CARD9: variants seen among roughly 807,000 people sequenced by gnomAD.
CARD9 encodes caspase recruitment domain-containing protein 9.
A neutral mutation model predicts 66.0 loss-of-function variants in CARD9; 53 were observed. That is an observed-to-expected ratio of 0.80 (90% CI 0.64 to 1.01). The LOEUF (loss-of-function observed/expected upper bound fraction) is 1.01. Among genes scored for constraint, CARD9 ranks in the 50% least tolerant of loss-of-function variants. The pLI is 0.00. For synonymous variants in CARD9, 387 were observed against 313.8 expected, an observed-to-expected ratio of 1.23 and a Z score of -2.47; for missense variants, 769 against 743.2, an observed-to-expected ratio of 1.03 and a Z score of -0.40.
chr9:136,370,899 G>A lies in CARD9; in HGVS notation c.569C>T (p.Ala190Val), dbSNP rs982980603. The A allele has an allele frequency of 1.3e-5, 21 of 1,609,976 alleles. No individual in the cohort carries two copies. Among genetic ancestry groups the A allele is most frequent in the Middle Eastern group, 1.7e-4 (1 of 6,030 alleles). ...GGCGCCCTTCTCCTCACTCTGGTGC[G>A]CCAGGCGCATGGCCAGGTCGTAGTT... ...EENYDLAMRL[A>V]HQSEEKGAAL... The change falls in exon 4 of 13, where the codon GCG becomes GTG. Residue 190 changes from alanine (A) to valine (V), a missense_variant. Ala to Val is a moderately conservative substitution (Grantham distance 64). Transcript: ENST00000371732.
intron 1 of CARD9, among the ~76,000 whole-genome samples, chr9:136,372,444 T>C (rs1467134847): frequency 2.6e-5 from 4 of 152,180 alleles, no homozygotes; most frequent in Non-Finnish European, 5.9e-5. Context: ...CATGACCCCC[T>C]CTGGCCTCTG....
chr9:136,367,559 C>T (rs762471346), intron 8 of CARD9, 78 bp downstream of exon 8: 32 of 1,475,000 alleles, frequency 2.2e-5, no homozygotes, highest in African/African-American at 8.3e-5. Context: ...TCGGGAAGGC[C>T]GGGGCTGAGG....
intron 6 of CARD9, 145 bp downstream of exon 6, chr9:136,370,149 G>A (rs1255422036): frequency 8.9e-6 from 13 of 1,458,518 alleles, no homozygotes; most frequent in East Asian, 5.0e-5. Flanking sequence ...AGAGGGCACC[G>A]TCCACTGTGC....
intron 11 of CARD9, 118 bp from the exon 12 acceptor site, chr9:136,364,677 A>T (rs1833074778): frequency 9.8e-7 from 1 of 1,021,452 alleles, no homozygotes; most frequent in African/African-American, 1.6e-5. Context: ...GAGCCCAGAC[A>T]GCCTCAGCTC....
At chr9:136,366,398 C>T (rs948366509) in intron 10 of CARD9, 11 of 237,946 alleles carry the variant, frequency 4.6e-5, no homozygotes, top group East Asian at 9.8e-5. Flanking sequence ...CCTGGTCGTT[C>T]GCTCGTTACC....
intron 10 of CARD9, 23 bp from the exon 11 acceptor site, chr9:136,365,240 T>C (rs774694363): frequency 1.2e-6 from 2 of 1,604,286 alleles, no homozygotes; most frequent in Admixed American, 3.3e-5. Context: ...GTCGTGCCTG[T>C]GGGACCTGCC....
intron 2 of CARD9, 131 bp downstream of exon 2, chr9:136,371,764 A>G: frequency 7.1e-7 from 1 of 1,418,348 alleles, no homozygotes; most frequent in Non-Finnish European, 9.6e-7. Flanking sequence ...GTTGGGCCTC[A>G]GTCAGAGGCC....
In CARD9 at chr9:136,372,182, G is replaced by A. The variant is rs570512595; in HGVS notation, c.-16-88C>T. Reference sequence around the variant, plus strand: ...CCACTCCTTCTCAGACGCTGGGCCAGGGCTCTCGTCAGGGCATCGAGGGGG... The same window carrying A: ...CCACTCCTTCTCAGACGCTGGGCCAAGGCTCTCGTCAGGGCATCGAGGGGG... On this transcript the variant is annotated intron_variant, in intron 1 of 12. Transcript: ENST00000371732. The A allele has an allele frequency of 3.2e-6, 5 of 1,544,118 alleles. No individual in the cohort carries two copies. The Admixed American group carries it at 9.3e-5, about 29-fold the overall frequency.
At chr9:136,367,105 C>A in intron 9 of CARD9, 111 bp downstream of exon 9, 1 of 1,309,688 alleles carries the variant, frequency 7.6e-7, no homozygotes, top group Non-Finnish European at 1.1e-6. Context: ...CCCAGCCCAG[C>A]CCACCGAGCA....
rs746544609 is a variant in CARD9 at position 136,367,821 on chromosome 9, G to A, written c.1085C>T (p.Ala362Val). ...CTGTGCGTGCAGCTCCTCCCGCGTG[G>A]CTATGGCCTGACGGGACAGCACAAG... ...EVAIERDQAI[A>V]TREELHAQHA... The change falls in exon 8 of 13, where the codon GCC (alanine) becomes GTC (valine). Residue 362 changes from alanine to valine, a missense_variant. By Grantham distance (64) the Ala-to-Val change is moderately conservative (BLOSUM62 0). Coordinates refer to ENST00000371732, the MANE Select transcript of CARD9 (RefSeq NM_052813.5). 5.0e-6 allele frequency: 8 copies of A among 1,599,480 alleles called. No homozygotes were observed. The Admixed American group carries it at 5.0e-5, about 10-fold the overall frequency.
At position 136,368,724 on chromosome 9, in the gene CARD9, C is replaced by G. The variant is rs542051546; in HGVS notation, c.1078-896G>C. 1.3e-5 allele frequency among the ~76,000 whole-genome samples: 2 copies of G among 152,352 alleles called. 1 individual carries two copies. The highest frequency in any genetic ancestry group is 4.1e-4 in the South Asian group (2 of 4,832). ...CTGGAGGCCTTGCAGGCCTCACTCCCGTGGCCCAGGCTGGAGTGCAATAGC... is the reference window on the plus strand; with the variant it reads ...CTGGAGGCCTTGCAGGCCTCACTCCGGTGGCCCAGGCTGGAGTGCAATAGC... On this transcript the variant is annotated intron_variant, in intron 7 of 12. Transcript: ENST00000371732.
In CARD9 at chr9:136,369,764, T is replaced by C. The variant is rs1833212057; in HGVS notation, c.1063A>G (p.Ile355Val). The change falls in exon 7 of 13, where the codon ATT (isoleucine) becomes GTT (valine). Residue 355 changes from isoleucine to valine, a missense_variant. Physicochemically the swap from Ile to Val is conservative, Grantham distance 29. Transcript: ENST00000371732. ...AILLQMEEVA[I>V]ERDQAIATRE... ...CGAGTGCCCACCTGGTCCCGCTCAA[T>C]GGCGACCTCCTCCATCTGCAGCAGG... is the stretch of plus-strand genomic sequence containing the variant. The C allele has an allele frequency of 1.2e-6, 2 of 1,605,568 alleles. No homozygotes were observed. The highest frequency in any genetic ancestry group is 4.5e-5 in the East Asian group (2 of 44,728).
intron 7 of CARD9, among the ~76,000 whole-genome samples, 177 bp downstream of exon 7, chr9:136,369,573 G>A (rs548613998): frequency 6.6e-6 from 1 of 152,240 alleles, no homozygotes; most frequent in Non-Finnish European, 1.5e-5. Context: ...GGGAGGCTGA[G>A]GCCGGAGGAT....
In CARD9 at chr9:136,364,578, TCGGGCTCCGGC is replaced by T; in HGVS notation, c.1435-30_1435-20del. ...CTGCGTCCTGGAGAAGGGGGAAGGC[TCGGGCTCCGGC>T]CGGCTCCCCTGAGGGAACCCGTCCT... On this transcript the variant is annotated intron_variant, in intron 11 of 12. Coordinates refer to ENST00000371732, the MANE Select transcript of CARD9 (RefSeq NM_052813.5). 1 of 1,534,588 alleles carries T rather than the reference TCGGGCTCCGGC, an allele frequency of 6.5e-7. No homozygotes were observed. Among genetic ancestry groups the T allele is most frequent in the Non-Finnish European group, 8.7e-7 (1 of 1,144,610 alleles).
chr9:136,369,142 G>A (rs1833195721), intron 7 of CARD9, among the ~76,000 whole-genome samples: 2 of 152,076 alleles, frequency 1.3e-5, no homozygotes, highest in Admixed American at 1.3e-4. Context: ...TTTTTGTAGA[G>A]CAGGGATCTC....
rs371562408 is a variant in CARD9 at position 136,371,879 on chromosome 9, G to A, written c.184+16C>T. 2.0e-5 allele frequency: 31 copies of A among 1,581,140 alleles called. No homozygotes were observed. The highest frequency in any genetic ancestry group is 9.4e-5 in the African/African-American group (7 of 74,432). On this transcript the variant is annotated intron_variant, in intron 2 of 12. Coordinates refer to ENST00000371732, the MANE Select transcript of CARD9 (RefSeq NM_052813.5). ...TGGTTGGGTTTGGGGCCTGGGGCCC[G>A]CGGGGCAACACTGACCCACTTTCCG...
Position 136,369,849 on chromosome 9 carries a change from C to T in CARD9, c.978G>A (p.Glu326=), listed in dbSNP as rs370912459. 6.2e-7 allele frequency: 1 copy of T among 1,612,750 alleles called. No homozygotes were observed. The highest frequency in any genetic ancestry group is 8.5e-7 in the Non-Finnish European group (1 of 1,180,006). ...CCTTACGTAGTGCCAGGCACTGCAG[C>T]TCGAACATCTCCTTCTCCTCCATGC... is the stretch of plus-strand genomic sequence containing the variant. ...LRCMEEKEMF[E]LQCLALRKDS... is the part of the protein sequence containing the mutation. Residue 326 remains glutamate (E), a synonymous_variant, in exon 7 of 13, where the codon GAG becomes GAA. Transcript: ENST00000371732.
chr9:136,365,320 G>C, intron 10 of CARD9, 103 bp from the exon 11 acceptor site: 1 of 1,092,676 alleles, frequency 9.2e-7, no homozygotes, highest in Non-Finnish European at 1.4e-6. Flanking sequence ...TGTCTTCCAA[G>C]GCCTGGTGGG....
At position 136,371,712 on chromosome 9, in the gene CARD9, C is replaced by T. The variant is rs1048989347; in HGVS notation, c.184+183G>A. 1.8e-4 allele frequency among the ~76,000 whole-genome samples: 27 copies of T among 152,164 alleles called. 1 individual carries two copies. The highest frequency in any genetic ancestry group is 5.3e-4 in the African/African-American group (22 of 41,428). On this transcript the variant is annotated intron_variant, in intron 2 of 12. Transcript: ENST00000371732. ...GCTGCCCCTCTTGGCAGCACCAAGC[C>T]GGCAGGAGAGGCTGGGGGACGGGCC...
Sources: allele counts gnomAD v4.1 joint callset (sites outside exome capture counted in the v4.1 genomes callset), GRCh38; gene constraint gnomAD v4.1.1; transcripts MANE v1.5; gene names NCBI Gene and HGNC (gene_info 2026-07-23, HGNC 2026-07-21).